GABPB1: variants seen among roughly 807,000 people sequenced by gnomAD.
The protein encoded by GABPB1 is GA-binding protein subunit beta-1.
In GABPB1, 15 loss-of-function variants were observed where a neutral mutation model predicts 45.9. The ratio of observed to expected loss-of-function variants is 0.33; its 90% CI spans 0.22 to 0.50. The LOEUF is 0.50. Ranked by LOEUF, GABPB1 falls within the 20% of genes least tolerant of loss-of-function variation. GABPB1 has a pLI of 0.98. For missense variants in GABPB1, 252 were observed against 457.5 expected, an observed-to-expected ratio of 0.55 and a Z score of 4.10; for synonymous variants, 143 against 154.4, an observed-to-expected ratio of 0.93 and a Z score of 0.55.
chr15:50,287,401 C>A (rs1038265937), intron 7 of GABPB1, among the ~76,000 whole-genome samples: 1 of 152,162 alleles, frequency 6.6e-6, no homozygotes, highest in African/African-American at 2.4e-5. Context: ...GAAGTCCTAA[C>A]CCCCAGTACC....
chr15:50,279,107 G>A (rs1345241446), intron 8 of GABPB1, among the ~76,000 whole-genome samples: 1 of 152,130 alleles, frequency 6.6e-6, no homozygotes, highest in Non-Finnish European at 1.5e-5. Context: ...GTTTTTAAGA[G>A]GGAAATATAC....
At position 50,319,283 on chromosome 15, in the gene GABPB1, A is replaced by C. The variant is rs1033707968; in HGVS notation, c.1-9485T>G. Reference sequence around the variant, plus strand: ...ATATAATTTTTTCTTCCTTAAAAAAAGTTTTTATTTTTATAGATTCAGCAG... The same window carrying C: ...ATATAATTTTTTCTTCCTTAAAAAACGTTTTTATTTTTATAGATTCAGCAG... On this transcript the variant is annotated intron_variant, in intron 1 of 8. Transcript: ENST00000380877. Among the ~76,000 whole-genome samples, 172 of 152,208 alleles carry C rather than the reference A, an allele frequency of 1.1e-3. 1 individual carries two copies. Among genetic ancestry groups the C allele is most frequent in the African/African-American group, 3.9e-3 (163 of 41,530 alleles).
chr15:50,317,263 G>A lies in GABPB1; in HGVS notation c.1-7465C>T, dbSNP rs1009027666. ...ATAAAAAAATTAAAAGAATTAGCTG[G>A]GTGTGGTGGCTGACGCCTGTAATCC... On this transcript the variant is annotated intron_variant, in intron 1 of 8. Transcript: ENST00000380877. Among the ~76,000 whole-genome samples the A allele has an allele frequency of 4.0e-5, 6 of 151,808 alleles. No individual in the cohort carries two copies. In the South Asian group the frequency reaches 1.2e-3, roughly 31 times the overall value.
chr15:50,347,543 A>T (rs1472051216), intron 1 of GABPB1: 1 of 152,084 alleles, frequency 6.6e-6, no homozygotes, highest in Non-Finnish European at 1.5e-5. Context: ...ACTACTAATT[A>T]TTTTTTCCTC....
chr15:50,306,353 G>T (rs1325006911), intron 2 of GABPB1, among the ~76,000 whole-genome samples: 9 of 152,180 alleles, frequency 5.9e-5, no homozygotes, highest in African/African-American at 2.2e-4. Context: ...AATCTGGCCA[G>T]GCGCAGTGGC....
At chr15:50,301,057 C>T in intron 5 of GABPB1, 155 bp from the exon 6 acceptor site, 5 of 851,288 alleles carry the variant, frequency 5.9e-6, no homozygotes, top group Non-Finnish European at 9.1e-6. Context: ...TATCACCTTT[C>T]TTCAGATTGT....
intron 1 of GABPB1, among the ~76,000 whole-genome samples, chr15:50,310,091 T>C (rs2047079062): frequency 6.6e-6 from 1 of 151,866 alleles, no homozygotes; most frequent in Admixed American, 6.6e-5. Context: ...CCTAAATTTT[T>C]ATTTATTTAT....
intron 7 of GABPB1, among the ~76,000 whole-genome samples, chr15:50,289,097 A>C (rs1307875406): frequency 1.3e-5 from 2 of 152,170 alleles, no homozygotes; most frequent in African/African-American, 4.8e-5. Context: ...CTCACATGGT[A>C]ATTGAATTGC....
chr15:50,340,164 C>G (rs1377877266), intron 1 of GABPB1, among the ~76,000 whole-genome samples: 2 of 152,144 alleles, frequency 1.3e-5, no homozygotes, highest in African/African-American at 4.8e-5. Flanking sequence ...CAAGGTGGCT[C>G]CATCTATAAA....
chr15:50,354,084 T>C (rs2048976077), intron 1 of GABPB1: 1 of 293,730 alleles, frequency 3.4e-6, no homozygotes, highest in African/African-American at 2.4e-5. Flanking sequence ...TATCATTCCT[T>C]TGGTTTCAGT....
intron 1 of GABPB1, among the ~76,000 whole-genome samples, chr15:50,321,862 A>G (rs1167534955): frequency 6.6e-6 from 1 of 152,138 alleles, no homozygotes; most frequent in Non-Finnish European, 1.5e-5. Flanking sequence ...ATCATAATAG[A>G]ATGCTTACTG....
chr15:50,330,035 T>C (rs545398446), intron 1 of GABPB1, among the ~76,000 whole-genome samples: 4 of 151,784 alleles, frequency 2.6e-5, no homozygotes, highest in African/African-American at 9.7e-5. Context: ...GCCTCCGAAG[T>C]AGCTGGGACT....
At chr15:50,287,289 C>T (rs2046196736) in intron 7 of GABPB1, among the ~76,000 whole-genome samples, 1 of 152,062 alleles carries the variant, frequency 6.6e-6, no homozygotes, top group Non-Finnish European at 1.5e-5. Flanking sequence ...CTTCCCTCTG[C>T]CCCATCAACA....
intron 1 of GABPB1, among the ~76,000 whole-genome samples, chr15:50,311,305 C>T (rs2047123759): frequency 6.6e-6 from 1 of 151,782 alleles, no homozygotes; most frequent in Admixed American, 6.6e-5. Context: ...AATTTTAGGC[C>T]CATGGGGAAG....
At chr15:50,289,399 T>G (rs2046270396) in intron 7 of GABPB1, 84 bp downstream of exon 7, 4 of 823,336 alleles carry the variant, frequency 4.9e-6, no homozygotes, top group Non-Finnish European at 7.2e-6. Flanking sequence ...AAACACAATC[T>G]TTTTGGACTG....
intron 1 of GABPB1, among the ~76,000 whole-genome samples, chr15:50,337,963 C>T (rs559945246): frequency 6.6e-5 from 10 of 151,966 alleles, no homozygotes; most frequent in Non-Finnish European, 1.5e-4. Context: ...AAATGAGAAC[C>T]TCAAAAATCA....
At chr15:50,353,024 T>C (rs1177578447) in intron 1 of GABPB1, 1 of 152,258 alleles carries the variant, frequency 6.6e-6, no homozygotes, top group Non-Finnish European at 1.5e-5. Flanking sequence ...CTGTAAAATC[T>C]GTACCTCCTA....
chr15:50,304,527 A>G (rs2141031917), intron 2 of GABPB1, among the ~76,000 whole-genome samples: 1 of 152,298 alleles, frequency 6.6e-6, no homozygotes, highest in East Asian at 1.9e-4. Flanking sequence ...CCTGGCCAAC[A>G]TGGTGAAACC....
At chr15:50,328,621 G>A (rs2047853132) in intron 1 of GABPB1, among the ~76,000 whole-genome samples, 1 of 152,192 alleles carries the variant, frequency 6.6e-6, no homozygotes, top group Non-Finnish European at 1.5e-5. Flanking sequence ...CTAGGTTAGT[G>A]ATAGTCTAAT....
Sources: gnomAD v4.1 joint callset for allele counts (sites outside exome capture counted in the v4.1 genomes callset) on GRCh38, gnomAD v4.1.1 for gene constraint, MANE v1.5 for transcripts, NCBI Gene and HGNC (gene_info 2026-07-23, HGNC 2026-07-21) for gene names.